The following ITFG1 variants were observed in gnomAD, a reference collection of about 807,000 sequenced individuals.
ITFG1 encodes the protein T-cell immunomodulatory protein.
Under a neutral mutation model 81.8 loss-of-function variants are expected in ITFG1, and 34 were observed. The observed-to-expected ratio is 0.42, with a 90% CI of 0.32 to 0.55. ITFG1 has a LOEUF of 0.55. Ranked by LOEUF, ITFG1 falls within the 20% of genes least tolerant of loss-of-function variation. ITFG1 has a pLI of 0.17. For missense variants in ITFG1, 672 were observed against 755.4 expected, an observed-to-expected ratio of 0.89 and a Z score of 1.29; for synonymous variants, 285 against 270.6, an observed-to-expected ratio of 1.05 and a Z score of -0.52.
At position 47,328,539 on chromosome 16, in the gene ITFG1, A is replaced by G. The variant is rs555495598; in HGVS notation, c.803-14716T>C. ...GGAGTAAATGTGATAGTTGAGAAGA[A>G]GGAAATTTAGACACATTTCTTACAC... On this transcript the variant is annotated intron_variant, in intron 8 of 17. Transcript: ENST00000320640. Among the ~76,000 whole-genome samples the G allele has an allele frequency of 9.9e-5, 15 of 152,244 alleles. No homozygotes were observed. The East Asian group carries it at 2.9e-3, about 29-fold the overall frequency.
At chr16:47,261,958 A>G (rs1966213306) in intron 10 of ITFG1, among the ~76,000 whole-genome samples, 1 of 152,246 alleles carries the variant, frequency 6.6e-6, no homozygotes, top group Non-Finnish European at 1.5e-5. Flanking sequence ...TAGGTGTGAG[A>G]CACCATGTCT....
chr16:47,377,030 G>A (rs1401463423), intron 6 of ITFG1, among the ~76,000 whole-genome samples: 1 of 133,612 alleles, frequency 7.5e-6, no homozygotes, highest in African/African-American at 2.9e-5. Flanking sequence ...CTGAAAAAAA[G>A]AGTTTTTTTT....
At chr16:47,233,443 C>CA (rs960643027) in intron 13 of ITFG1, among the ~76,000 whole-genome samples, 27 of 152,356 alleles carry the variant, frequency 1.8e-4, no homozygotes, top group African/African-American at 6.0e-4. Flanking sequence ...GGGGAACCCT[C>CA]ACACTTACAC....
chr16:47,283,499 AT>A (rs1320061856), intron 10 of ITFG1, among the ~76,000 whole-genome samples: 2 of 152,154 alleles, frequency 1.3e-5, no homozygotes, highest in South Asian at 2.1e-4. Context: ...GTCTCTGTCC[AT>A]TCTATTGGTT....
At chr16:47,338,014 C>T (rs1967730428) in intron 8 of ITFG1, among the ~76,000 whole-genome samples, 1 of 152,170 alleles carries the variant, frequency 6.6e-6, no homozygotes, top group Admixed American at 6.5e-5. Flanking sequence ...AAATCTCTGT[C>T]AAAACATTAG....
chr16:47,430,134 T>C (rs1268237175), intron 5 of ITFG1, among the ~76,000 whole-genome samples: 2 of 150,558 alleles, frequency 1.3e-5, no homozygotes, highest in African/African-American at 4.9e-5. Flanking sequence ...TTCCGCTCAC[T>C]GCAACTTCCG....
At chr16:47,434,351 T>A (rs1969137829) in intron 5 of ITFG1, among the ~76,000 whole-genome samples, 1 of 150,022 alleles carries the variant, frequency 6.7e-6, no homozygotes. Flanking sequence ...TTAAACAAAT[T>A]TACAAGAAAA....
intron 6 of ITFG1, among the ~76,000 whole-genome samples, chr16:47,397,850 C>T (rs1245770122): frequency 6.6e-6 from 1 of 152,174 alleles, no homozygotes; most frequent in Non-Finnish European, 1.5e-5. Context: ...ACACTGCAGG[C>T]AGCCACGGGA....
intron 10 of ITFG1, among the ~76,000 whole-genome samples, chr16:47,306,954 C>T (rs1464409235): frequency 6.6e-6 from 1 of 151,528 alleles, no homozygotes; most frequent in African/African-American, 2.4e-5. Context: ...ATTAGCCGGG[C>T]ATGGTGGCGG....
intron 6 of ITFG1, among the ~76,000 whole-genome samples, chr16:47,402,154 G>T (rs929897035): frequency 6.6e-6 from 1 of 152,106 alleles, no homozygotes; most frequent in Non-Finnish European, 1.5e-5. Flanking sequence ...AGCAGAATCT[G>T]AAACTCACCG....
At chr16:47,409,374 C>CTATATATATATATATATATATATATA (rs1187875461) in intron 6 of ITFG1, among the ~76,000 whole-genome samples, 1 of 20,988 alleles carries the variant, frequency 4.8e-5, no homozygotes, top group African/African-American at 2.7e-4. Flanking sequence ...TACACACACA[C>CTATATATATATATATATATATATATA]TATATATATA....
At chr16:47,370,979 T>C (rs986605452) in intron 7 of ITFG1, among the ~76,000 whole-genome samples, 1 of 152,360 alleles carries the variant, frequency 6.6e-6, no homozygotes, top group South Asian at 2.1e-4. Flanking sequence ...TTATTCCTAG[T>C]TAGCTGCAAT....
intron 14 of ITFG1, among the ~76,000 whole-genome samples, chr16:47,208,523 C>G (rs191058470): frequency 6.6e-6 from 1 of 152,164 alleles, no homozygotes; most frequent in Admixed American, 6.5e-5. Context: ...ACGAAAGGAC[C>G]TGACATCAGG....
At chr16:47,389,137 T>G (rs906010432) in intron 6 of ITFG1, among the ~76,000 whole-genome samples, 2 of 152,176 alleles carry the variant, frequency 1.3e-5, no homozygotes, top group Middle Eastern at 3.2e-3. Context: ...TAAACTCTCC[T>G]GAACCTTTTT....
At chr16:47,159,564 T>C (rs892577219) in intron 16 of ITFG1, among the ~76,000 whole-genome samples, 3 of 152,164 alleles carry the variant, frequency 2.0e-5, no homozygotes, top group Admixed American at 6.5e-5. Flanking sequence ...CAAAATCATC[T>C]TTAGTCCCTC....
chr16:47,394,768 A>G (rs941443902), intron 6 of ITFG1, among the ~76,000 whole-genome samples: 1 of 152,192 alleles, frequency 6.6e-6, no homozygotes, highest in Non-Finnish European at 1.5e-5. Flanking sequence ...ATTCTCAAGT[A>G]ATAAGCACCT....
At chr16:47,397,670 A>G (rs1407474789) in intron 6 of ITFG1, among the ~76,000 whole-genome samples, 1 of 152,186 alleles carries the variant, frequency 6.6e-6, no homozygotes, top group East Asian at 1.9e-4. Context: ...ACAAACAAGG[A>G]TCCTGCTCAA....
At chr16:47,341,255 A>AT in intron 8 of ITFG1, among the ~76,000 whole-genome samples, 1 of 151,346 alleles carries the variant, frequency 6.6e-6, no homozygotes, top group African/African-American at 2.4e-5. Flanking sequence ...CCCATCTGTA[A>AT]AAAATAAATA....
intron 6 of ITFG1, among the ~76,000 whole-genome samples, chr16:47,399,418 A>G (rs952309172): frequency 1.3e-5 from 2 of 152,158 alleles, no homozygotes; most frequent in African/African-American, 4.8e-5. Context: ...CTAAAAATAC[A>G]AACAATTAGC....
Sources: allele counts gnomAD v4.1 joint callset (sites outside exome capture counted in the v4.1 genomes callset), GRCh38; gene constraint gnomAD v4.1.1; transcripts MANE v1.5; gene names NCBI Gene and HGNC (gene_info 2026-07-23, HGNC 2026-07-21).